The following DLC1 variants were observed in gnomAD, a reference collection of about 807,000 sequenced individuals.
The protein encoded by DLC1 is rho GTPase-activating protein 7.
A neutral mutation model predicts 140.3 loss-of-function variants in DLC1; 54 were observed. The observed-to-expected ratio is 0.38, with a 90% CI of 0.31 to 0.48. DLC1 has a LOEUF of 0.48. Among genes scored for constraint, DLC1 ranks in the 20% least tolerant of loss-of-function variants. The probability of loss-of-function intolerance (pLI) is 0.96; values close to 1 mark genes in which losing one functional copy is unlikely to be tolerated. For synonymous variants in DLC1, 986 were observed against 728.1 expected (o/e 1.35, Z -5.70); for missense variants, 2,536 against 1,907.0 (o/e 1.33, Z -6.14).
At chr8:13,282,901 A>G (rs888055190) in intron 5 of DLC1, among the ~76,000 whole-genome samples, 1 of 152,212 alleles carries the variant, frequency 6.6e-6, no homozygotes, top group African/African-American at 2.4e-5. Flanking sequence ...GGAAAAACCC[A>G]AAAAACTCAC....
chr8:13,319,604 G>A (rs1049636167), intron 4 of DLC1, among the ~76,000 whole-genome samples: 9 of 146,424 alleles, frequency 6.1e-5, no homozygotes, highest in African/African-American at 2.3e-4. Flanking sequence ...CATGTAGGAT[G>A]CGCCTGTTTC....
Position 13,369,462 on chromosome 8 carries a change from G to C in DLC1, c.1314+24091C>G, listed in dbSNP as rs190490792. 5.0e-3 allele frequency among the ~76,000 whole-genome samples: 755 copies of C among 150,836 alleles called. 5 individuals are homozygous for C. Among genetic ancestry groups the C allele is most frequent in the African/African-American group, 0.017 (693 of 41,004 alleles). ...GGCAATTTTCGGTTCTCATCTCCTC[G>C]TCTGAATGATTGTTTTCTGCAACAG... On this transcript the variant is annotated intron_variant, in intron 4 of 17. Transcript: ENST00000276297.
At chr8:13,392,948 CTTTCA>C (rs2117212430) in intron 4 of DLC1, among the ~76,000 whole-genome samples, 1 of 152,240 alleles carries the variant, frequency 6.6e-6, no homozygotes, top group Admixed American at 6.5e-5. Context: ...TATATGTGCT[CTTTCA>C]TTTAATTCCC....
chr8:13,288,305 C>T (rs1329652683), intron 5 of DLC1, among the ~76,000 whole-genome samples: 4 of 152,084 alleles, frequency 2.6e-5, no homozygotes, highest in Non-Finnish European at 4.4e-5. Flanking sequence ...GCAGATGGGG[C>T]AATGTAACGG....
At chr8:13,435,087 T>A (rs1484010663) in intron 2 of DLC1, among the ~76,000 whole-genome samples, 2 of 152,140 alleles carry the variant, frequency 1.3e-5, no homozygotes, top group African/African-American at 4.8e-5. Context: ...CTGGAAAGAA[T>A]TCACTATTCT....
chr8:13,155,325 G>T (rs1461764503), intron 5 of DLC1, among the ~76,000 whole-genome samples: 2 of 150,012 alleles, frequency 1.3e-5, no homozygotes, highest in African/African-American at 2.4e-5. Context: ...GTTTTTTATG[G>T]TGAGCACATG....
intron 2 of DLC1, among the ~76,000 whole-genome samples, chr8:13,453,295 A>T (rs903707342): frequency 2.7e-5 from 4 of 145,546 alleles, no homozygotes; most frequent in African/African-American, 1.0e-4. Flanking sequence ...GCGGCAAGTC[A>T]TTTATAGATA....
At chr8:13,575,137 A>G (rs1259396259) in intron 1 of DLC1, among the ~76,000 whole-genome samples, 1 of 152,240 alleles carries the variant, frequency 6.6e-6, no homozygotes, top group Non-Finnish European at 1.5e-5. Context: ...CTCAAATTAC[A>G]GCGAAAATTG....
At chr8:13,601,645 CA>C (rs57181798) in intron 1 of DLC1, among the ~76,000 whole-genome samples, 62,207 of 140,856 alleles carry the variant, frequency 0.44, 13,152 homozygotes, top group Middle Eastern at 0.5. Flanking sequence ...GGATAATAGA[CA>C]AAAAAAAAAC....
At chr8:13,426,247 A>G (rs1838578603) in intron 2 of DLC1, among the ~76,000 whole-genome samples, 1 of 152,180 alleles carries the variant, frequency 6.6e-6, no homozygotes, top group South Asian at 2.1e-4. Flanking sequence ...TATAGTCATT[A>G]TGAATATAAA....
At chr8:13,538,100 C>G (rs1279617418) in intron 1 of DLC1, among the ~76,000 whole-genome samples, 1 of 152,102 alleles carries the variant, frequency 6.6e-6, no homozygotes, top group Non-Finnish European at 1.5e-5. Flanking sequence ...GTTGAAACTT[C>G]ACAGCATTAT....
chr8:13,277,116 C>G (rs183207273), intron 5 of DLC1, among the ~76,000 whole-genome samples: 1 of 152,058 alleles, frequency 6.6e-6, no homozygotes, highest in Non-Finnish European at 1.5e-5. Flanking sequence ...AGGCCAGGAG[C>G]TTGAGAACAG....
intron 2 of DLC1, among the ~76,000 whole-genome samples, chr8:13,413,352 C>T (rs1015575691): frequency 1.4e-5 from 2 of 140,498 alleles, no homozygotes. Context: ...CAATGTGGCC[C>T]GGGGAAGCCA....
intron 1 of DLC1, among the ~76,000 whole-genome samples, chr8:13,502,490 T>G (rs377646062): frequency 6.6e-6 from 1 of 152,236 alleles, no homozygotes; most frequent in Non-Finnish European, 1.5e-5. Context: ...CTATCCAGTT[T>G]CTATTTAAAT....
chr8:13,397,583 C>T (rs377521712), intron 3 of DLC1, among the ~76,000 whole-genome samples: 1 of 151,862 alleles, frequency 6.6e-6, no homozygotes, highest in Non-Finnish European at 1.5e-5. Flanking sequence ...CATCTCAATA[C>T]ATTGGGAGGC....
chr8:13,273,152 G>A (rs150062111), intron 5 of DLC1, among the ~76,000 whole-genome samples: 50 of 152,272 alleles, frequency 3.3e-4, no homozygotes, highest in African/African-American at 1.1e-3. Context: ...AGGCTACAAG[G>A]CCCTCTATGG....
In DLC1 at chr8:13,497,587, A is replaced by G. The variant is rs148668480; in HGVS notation, c.1023+1462T>C. ...TCTTTCCAGCATTCTTAGTATTGATATAAATGTTCAAGTGGTGAGTATATG... is the reference window on the plus strand; with the variant it reads ...TCTTTCCAGCATTCTTAGTATTGATGTAAATGTTCAAGTGGTGAGTATATG... On this transcript the variant is annotated intron_variant, in intron 2 of 17. Coordinates refer to ENST00000276297, the MANE Select transcript of DLC1 (RefSeq NM_182643.3). 1.5e-3 allele frequency among the ~76,000 whole-genome samples: 226 copies of G among 152,332 alleles called. 1 individual carries two copies. The highest frequency in any genetic ancestry group is 5.2e-3 in the African/African-American group (216 of 41,564).
chr8:13,260,407 T>A (rs1395026457), intron 5 of DLC1, among the ~76,000 whole-genome samples: 1 of 152,130 alleles, frequency 6.6e-6, no homozygotes, highest in East Asian at 1.9e-4. Context: ...AGGACAGGAT[T>A]TTGTGATTAA....
At chr8:13,233,324 A>AAG (rs1829138447) in intron 5 of DLC1, among the ~76,000 whole-genome samples, 1 of 136,396 alleles carries the variant, frequency 7.3e-6, no homozygotes, top group South Asian at 2.4e-4. Context: ...AAAAAAAAAA[A>AAG]AGAGTAGTGT....
Sources: gnomAD v4.1 joint callset for allele counts (sites outside exome capture counted in the v4.1 genomes callset) on GRCh38, gnomAD v4.1.1 for gene constraint, MANE v1.5 for transcripts, NCBI Gene and HGNC (gene_info 2026-07-23, HGNC 2026-07-21) for gene names.